AUTS2: variants seen among roughly 807,000 people sequenced by gnomAD.
The protein encoded by AUTS2 is autism susceptibility gene 2 protein.
Under a neutral mutation model 112.4 loss-of-function variants are expected in AUTS2, and 17 were observed. That is an observed-to-expected ratio of 0.15 (90% CI 0.10 to 0.23). The LOEUF (loss-of-function observed/expected upper bound fraction) is 0.23. Ranked by LOEUF, AUTS2 falls within the 10% of genes least tolerant of loss-of-function variation. AUTS2 has a pLI of 1.00. For synonymous variants in AUTS2, 751 were observed against 702.7 expected (o/e 1.07, Z -1.09); for missense variants, 1,510 against 1,701.6 (o/e 0.89, Z 1.98).
intron 1 of AUTS2, among the ~76,000 whole-genome samples, chr7:69,621,828 G>A (rs1793677364): frequency 6.6e-6 from 1 of 151,984 alleles, no homozygotes; most frequent in Non-Finnish European, 1.5e-5. Context: ...TGAGGAGAAA[G>A]TATTTGAGGA....
chr7:69,916,290 G>A (rs1343553860), intron 2 of AUTS2, among the ~76,000 whole-genome samples: 1 of 152,168 alleles, frequency 6.6e-6, no homozygotes, highest in Non-Finnish European at 1.5e-5. Flanking sequence ...ACTGTCCCTT[G>A]ACATTCATTC....
intron 4 of AUTS2, among the ~76,000 whole-genome samples, chr7:70,432,390 G>A (rs1795709686): frequency 6.6e-6 from 1 of 152,024 alleles, no homozygotes; most frequent in Admixed American, 6.6e-5. Flanking sequence ...GAATCACTTG[G>A]CCAAAAAAAT....
chr7:69,808,877 G>A (rs921688737), intron 1 of AUTS2, among the ~76,000 whole-genome samples: 1 of 152,080 alleles, frequency 6.6e-6, no homozygotes, highest in Non-Finnish European at 1.5e-5. Flanking sequence ...AGACATGAGG[G>A]GTACAGAACC....
At chr7:70,353,331 T>G (rs1033526843) in intron 4 of AUTS2, among the ~76,000 whole-genome samples, 2 of 152,312 alleles carry the variant, frequency 1.3e-5, no homozygotes, top group South Asian at 2.1e-4. Flanking sequence ...ATAAAACAAT[T>G]TTTTAGATGA....
At chr7:70,708,961 A>T (rs1809892983) in intron 6 of AUTS2, among the ~76,000 whole-genome samples, 1 of 143,592 alleles carries the variant, frequency 7.0e-6, no homozygotes, top group Admixed American at 7.2e-5. Flanking sequence ...CTCATTGCCC[A>T]GGCTGGAGTG....
At chr7:69,961,447 A>T (rs1213385380) in intron 2 of AUTS2, among the ~76,000 whole-genome samples, 1 of 152,288 alleles carries the variant, frequency 6.6e-6, no homozygotes, top group Admixed American at 6.5e-5. Flanking sequence ...TAGTGTACCT[A>T]TTCTTAGGAA....
chr7:70,178,714 C>T (rs951249995), intron 4 of AUTS2, among the ~76,000 whole-genome samples: 5 of 151,988 alleles, frequency 3.3e-5, no homozygotes, highest in Admixed American at 1.3e-4. Context: ...GCATGAGAAT[C>T]GCTTGAACCC....
At chr7:70,293,878 G>T (rs996216807) in intron 4 of AUTS2, 1 of 152,170 alleles carries the variant, frequency 6.6e-6, no homozygotes. Flanking sequence ...TTGAAGCTCT[G>T]TATGGTGGAG....
At chr7:70,094,569 A>G (rs1180067714) in intron 2 of AUTS2, among the ~76,000 whole-genome samples, 1 of 152,218 alleles carries the variant, frequency 6.6e-6, no homozygotes, top group African/African-American at 2.4e-5. Context: ...TAAATCATGC[A>G]ATATCATAAG....
chr7:69,612,869 C>T (rs2129081146), intron 1 of AUTS2, among the ~76,000 whole-genome samples: 1 of 152,272 alleles, frequency 6.6e-6, no homozygotes, highest in South Asian at 2.1e-4. Flanking sequence ...CTGTTTCTTT[C>T]TTCACTCAGT....
chr7:70,791,569 T>C lies in AUTS2; in HGVS notation c.*573T>C, dbSNP rs1791964704. The C allele has an allele frequency of 6.5e-6, 1 of 152,676 alleles. No individual in the cohort carries two copies. The highest frequency in any genetic ancestry group is 2.4e-5 in the African/African-American group (1 of 41,454). 9.5% of individuals were successfully genotyped at this position (152,676 alleles called of 1,614,324 possible). ...AGTCGGCTAAAGCTGTGTTCCCATA[T>C]ATTGTTATAGACAGCTAAACCCTTC... On this transcript the variant is annotated 3_prime_UTR_variant, in exon 19 of 19. Coordinates refer to ENST00000342771, the MANE Select transcript of AUTS2 (RefSeq NM_015570.4).
intron 10 of AUTS2, among the ~76,000 whole-genome samples, chr7:70,770,204 G>GACTT (rs1296866557): frequency 1.3e-5 from 2 of 152,182 alleles, no homozygotes; most frequent in East Asian, 1.9e-4. Flanking sequence ...CACAATTTTA[G>GACTT]ACTTAAAAGT....
At chr7:70,394,734 C>A (rs886732766) in intron 4 of AUTS2, among the ~76,000 whole-genome samples, 2 of 151,434 alleles carry the variant, frequency 1.3e-5, no homozygotes, top group Admixed American at 1.3e-4. Flanking sequence ...TTGTGATAAT[C>A]ACTGGATTGA....
At chr7:70,070,881 A>G (rs1802732530) in intron 2 of AUTS2, among the ~76,000 whole-genome samples, 1 of 151,640 alleles carries the variant, frequency 6.6e-6, no homozygotes, top group Non-Finnish European at 1.5e-5. Flanking sequence ...CCATCTGAAA[A>G]AAAAAAAAAA....
intron 6 of AUTS2, among the ~76,000 whole-genome samples, chr7:70,702,722 C>T (rs943979251): frequency 6.6e-6 from 1 of 152,170 alleles, no homozygotes; most frequent in Non-Finnish European, 1.5e-5. Context: ...TCACCTCCAT[C>T]AGCCTGGGAG....
chr7:70,574,051 T>C (rs1420994117), intron 5 of AUTS2, among the ~76,000 whole-genome samples: 1 of 152,118 alleles, frequency 6.6e-6, no homozygotes, highest in Non-Finnish European at 1.5e-5. Context: ...CCATGGCGTT[T>C]TCCATTTTCC....
Position 70,368,870 on chromosome 7 carries a change from C to T in AUTS2, c.661-66882C>T, listed in dbSNP as rs747850209. 2.0e-5 allele frequency among the ~76,000 whole-genome samples: 3 copies of T among 152,150 alleles called. 1 individual carries two copies. Among genetic ancestry groups the T allele is most frequent in the Middle Eastern group, 6.8e-3 (2 of 294 alleles). ...CAAAAATATGATCCACCAAGAGCAG[C>T]GTGAGGGGTCTTACAAGAGTGGTAA... On this transcript the variant is annotated intron_variant, in intron 4 of 18. Coordinates refer to ENST00000342771, the MANE Select transcript of AUTS2 (RefSeq NM_015570.4).
chr7:70,337,090 G>A (rs2129620131), intron 4 of AUTS2, among the ~76,000 whole-genome samples: 1 of 152,196 alleles, frequency 6.6e-6, no homozygotes, highest in South Asian at 2.1e-4. Flanking sequence ...TCATCTCCAG[G>A]AACTGAATTT....
chr7:69,985,622 T>G (rs1171906763), intron 2 of AUTS2, among the ~76,000 whole-genome samples: 3 of 152,186 alleles, frequency 2.0e-5, no homozygotes, highest in Admixed American at 2.0e-4. Context: ...GTCCTCAGGA[T>G]TCCCTTATCA....
Sources: gnomAD v4.1 joint callset for allele counts (sites outside exome capture counted in the v4.1 genomes callset) on GRCh38, gnomAD v4.1.1 for gene constraint, MANE v1.5 for transcripts, NCBI Gene and HGNC (gene_info 2026-07-23, HGNC 2026-07-21) for gene names.